LTBP1: variants seen among roughly 807,000 people sequenced by gnomAD.
LTBP1 encodes latent-transforming growth factor beta-binding protein 1.
LTBP1 carries 129 observed loss-of-function variants against 207.6 expected under a neutral mutation model. The observed-to-expected ratio is 0.62, with a 90% CI of 0.54 to 0.72. The LOEUF (loss-of-function observed/expected upper bound fraction) is 0.72, where lower values mean the gene tolerates loss of function less well. LTBP1 is among the 30% of genes least tolerant of loss of function. The probability of loss-of-function intolerance (pLI) is 0.00; values close to 1 mark genes in which losing one functional copy is unlikely to be tolerated. For missense variants in LTBP1, 2,281 were observed against 2,217.2 expected, an observed-to-expected ratio of 1.03 and a Z score of -0.58; for synonymous variants, 963 against 833.7, an observed-to-expected ratio of 1.16 and a Z score of -2.67.
intron 20 of LTBP1, among the ~76,000 whole-genome samples, chr2:33,298,686 T>C (rs994671550): frequency 1.3e-5 from 2 of 152,224 alleles, no homozygotes; most frequent in Non-Finnish European, 2.9e-5. Flanking sequence ...AGTTACCTTG[T>C]TTATTTTCTC....
At chr2:33,276,963 A>G (rs1158511642) in intron 18 of LTBP1, among the ~76,000 whole-genome samples, 2 of 152,232 alleles carry the variant, frequency 1.3e-5, no homozygotes, top group African/African-American at 2.4e-5. Context: ...ATGAGGGTGA[A>G]GGAACACGGG....
At chr2:33,034,782 C>T (rs2075840519) in intron 3 of LTBP1, among the ~76,000 whole-genome samples, 1 of 151,980 alleles carries the variant, frequency 6.6e-6, no homozygotes, top group South Asian at 2.1e-4. Flanking sequence ...CATTTCCTCT[C>T]AGAGACTGGT....
intron 9 of LTBP1, among the ~76,000 whole-genome samples, chr2:33,228,790 C>A (rs2091613453): frequency 1.4e-5 from 2 of 146,492 alleles, no homozygotes; most frequent in Non-Finnish European, 3.0e-5. Flanking sequence ...ATCTCCGCCT[C>A]CTGGGTTCAA....
At chr2:33,260,269 C>T (rs2092974525) in intron 13 of LTBP1, among the ~76,000 whole-genome samples, 1 of 152,098 alleles carries the variant, frequency 6.6e-6, no homozygotes, top group Admixed American at 6.6e-5. Context: ...TAAAAACATC[C>T]ATTTTCATTA....
intron 2 of LTBP1, among the ~76,000 whole-genome samples, chr2:32,979,507 T>G (rs1169688670): frequency 6.6e-6 from 1 of 152,158 alleles, no homozygotes; most frequent in Non-Finnish European, 1.5e-5. Context: ...TTTCCAAAAT[T>G]CCTTTTGAAT....
chr2:32,949,042 G>C (rs1202801533), intron 2 of LTBP1, 97 bp downstream of exon 2: 4 of 1,206,904 alleles, frequency 3.3e-6, no homozygotes, highest in Non-Finnish European at 4.9e-6. Context: ...AAAGGGCTCG[G>C]GGGAAGTTGA....
intron 9 of LTBP1, among the ~76,000 whole-genome samples, chr2:33,225,486 A>T (rs1016015070): frequency 6.6e-6 from 1 of 152,220 alleles, no homozygotes; most frequent in African/African-American, 2.4e-5. Flanking sequence ...CACATCTTAC[A>T]TGGATGGCAG....
At chr2:33,232,167 G>C (rs181536481) in intron 9 of LTBP1, among the ~76,000 whole-genome samples, 1 of 152,266 alleles carries the variant, frequency 6.6e-6, no homozygotes, top group East Asian at 1.9e-4. Context: ...AGATCAGGGT[G>C]ACCAGACATT....
At chr2:33,054,048 G>A (rs1199144873) in intron 3 of LTBP1, among the ~76,000 whole-genome samples, 1 of 152,202 alleles carries the variant, frequency 6.6e-6, no homozygotes, top group African/African-American at 2.4e-5. Flanking sequence ...GAGGAACTGG[G>A]AGTCAGAGTG....
At chr2:33,187,140 G>A (rs1558778038) in intron 6 of LTBP1, 60 bp downstream of exon 6, 2 of 1,468,870 alleles carry the variant, frequency 1.4e-6, no homozygotes, top group South Asian at 1.2e-5. Context: ...AACCCACATA[G>A]AAGTCAAGGA....
At chr2:33,212,629 C>T (rs1319821648) in intron 7 of LTBP1, among the ~76,000 whole-genome samples, 1 of 152,190 alleles carries the variant, frequency 6.6e-6, no homozygotes, top group Admixed American at 6.5e-5. Context: ...CAGCATCTTC[C>T]ACTGTTAAGG....
intron 2 of LTBP1, among the ~76,000 whole-genome samples, chr2:32,975,630 G>T (rs1307560438): frequency 1.2e-5 from 1 of 85,968 alleles, no homozygotes; most frequent in Admixed American, 1.9e-4. Flanking sequence ...TTGTCTGACT[G>T]GGTTAATTCA....
chr2:32,978,563 T>A (rs1682204313), intron 2 of LTBP1, among the ~76,000 whole-genome samples: 1 of 152,178 alleles, frequency 6.6e-6, no homozygotes, highest in African/African-American at 2.4e-5. Context: ...TTGGTCATGA[T>A]GAATGATCTT....
At chr2:33,200,592 A>G (rs1306979149) in intron 7 of LTBP1, among the ~76,000 whole-genome samples, 1 of 149,446 alleles carries the variant, frequency 6.7e-6, no homozygotes, top group East Asian at 1.9e-4. Context: ...TAAAACACCA[A>G]AAGCAATGGC....
At chr2:33,349,286 C>T (rs997940525) in intron 26 of LTBP1, among the ~76,000 whole-genome samples, 11 of 152,048 alleles carry the variant, frequency 7.2e-5, no homozygotes, top group Admixed American at 1.3e-4. Context: ...CCTGTCTCTA[C>T]TAAAAATAGA....
chr2:33,239,213 T>C (rs1346600569), intron 9 of LTBP1, among the ~76,000 whole-genome samples: 2 of 152,246 alleles, frequency 1.3e-5, no homozygotes, highest in African/African-American at 4.8e-5. Flanking sequence ...TCATGTTAGC[T>C]GTAGTAGCTT....
At chr2:33,215,730 T>TTTTTTTTTTTTTTTTTTTTTC in intron 7 of LTBP1, among the ~76,000 whole-genome samples, 1 of 149,418 alleles carries the variant, frequency 6.7e-6, no homozygotes, top group Non-Finnish European at 1.5e-5. Flanking sequence ...TTTGTTTTTT[T>TTTTTTTTTTTTTTTTTTTTTC]TTTTTGAGAT....
chr2:32,972,735 T>C (rs1398746548), intron 2 of LTBP1, among the ~76,000 whole-genome samples: 1 of 152,144 alleles, frequency 6.6e-6, no homozygotes, highest in East Asian at 1.9e-4. Context: ...GATCTGATGG[T>C]TTTAAAAGTG....
intron 4 of LTBP1, among the ~76,000 whole-genome samples, chr2:33,129,583 G>A (rs1316313781): frequency 6.6e-6 from 1 of 152,170 alleles, no homozygotes; most frequent in East Asian, 1.9e-4. Flanking sequence ...AAGTACTTGA[G>A]AAATTGCTAT....
Sources: gnomAD v4.1 joint callset for allele counts (sites outside exome capture counted in the v4.1 genomes callset) on GRCh38, gnomAD v4.1.1 for gene constraint, MANE v1.5 for transcripts, NCBI Gene and HGNC (gene_info 2026-07-23, HGNC 2026-07-21) for gene names.